The following SIAH3 variants were observed in gnomAD, a reference collection of about 807,000 sequenced individuals.
The protein encoded by SIAH3 is seven in absentia homolog 3.
SIAH3 carries 9 observed loss-of-function variants against 12.6 expected under a neutral mutation model. That is an observed-to-expected ratio of 0.72 (90% CI 0.43 to 1.25). SIAH3 has a LOEUF of 1.25. Among genes scored for constraint, SIAH3 ranks in the 50% most tolerant of loss-of-function variants. SIAH3 has a pLI of 0.00. For missense variants in SIAH3, 390 were observed against 365.4 expected (o/e 1.07, Z -0.55); for synonymous variants, 154 against 151.1 (o/e 1.02, Z -0.14).
At chr13:45,798,399 A>T (rs184932542) in intron 1 of SIAH3, among the ~76,000 whole-genome samples, 5 of 152,324 alleles carry the variant, frequency 3.3e-5, no homozygotes, top group African/African-American at 9.6e-5. Context: ...TGGGTATAAA[A>T]TGGTGAGCAG....
chr13:45,846,397 C>T (rs1371660869), intron 1 of SIAH3, among the ~76,000 whole-genome samples: 1 of 152,068 alleles, frequency 6.6e-6, no homozygotes, highest in Non-Finnish European at 1.5e-5. Context: ...ACCTAGAAGA[C>T]CTAACTTCTA....
At chr13:45,790,697 A>T (rs568464590) in intron 1 of SIAH3, among the ~76,000 whole-genome samples, 5 of 152,316 alleles carry the variant, frequency 3.3e-5, no homozygotes, top group African/African-American at 1.2e-4. Flanking sequence ...ACAGCTTCCA[A>T]TATGAAGATC....
intron 1 of SIAH3, among the ~76,000 whole-genome samples, chr13:45,819,132 G>A (rs1052797910): frequency 5.3e-5 from 8 of 152,162 alleles, no homozygotes; most frequent in African/African-American, 1.2e-4. Flanking sequence ...GACCATGCAC[G>A]ACACAGAGAA....
rs1332139154 is a variant in SIAH3 at position 45,780,125 on chromosome 13, C to T, written c.*3258G>A. 6.6e-6 allele frequency: 1 copy of T among 152,202 alleles called. No homozygotes were observed. Among genetic ancestry groups the T allele is most frequent in the African/African-American group, 2.4e-5 (1 of 41,434 alleles). The allele number at this position is 152,202 out of a possible 1,614,324, so 9.4% of individuals were successfully genotyped here. A position where few individuals can be genotyped will look rare whatever the true frequency, so the allele number is the denominator to read the frequency against. On this transcript the variant is annotated 3_prime_UTR_variant, in exon 2 of 2. Transcript: ENST00000400405. ...TTGGTGTGAATGAGGCAACCAGATCCCAGCGTTCTGTGCAGGGACTCCTGG... is the reference window on the plus strand; with the variant it reads ...TTGGTGTGAATGAGGCAACCAGATCTCAGCGTTCTGTGCAGGGACTCCTGG...
intron 1 of SIAH3, among the ~76,000 whole-genome samples, chr13:45,842,537 C>T (rs748363239): frequency 1.3e-5 from 2 of 152,012 alleles, no homozygotes; most frequent in Non-Finnish European, 2.9e-5. Flanking sequence ...TTTGGAGACA[C>T]GAGGTCTCAC....
At chr13:45,810,691 A>G (rs764821946) in intron 1 of SIAH3, among the ~76,000 whole-genome samples, 1 of 152,200 alleles carries the variant, frequency 6.6e-6, no homozygotes, top group Non-Finnish European at 1.5e-5. Context: ...ACTCCCAAGA[A>G]TGTTTAATTT....
At chr13:45,814,971 C>A (rs1421459526) in intron 1 of SIAH3, among the ~76,000 whole-genome samples, 3 of 152,172 alleles carry the variant, frequency 2.0e-5, no homozygotes, top group African/African-American at 7.2e-5. Context: ...GATCTGCCTG[C>A]CTTGGCCTCC....
intron 1 of SIAH3, among the ~76,000 whole-genome samples, chr13:45,826,226 TA>T (rs1950674144): frequency 6.6e-6 from 1 of 152,172 alleles, no homozygotes; most frequent in Non-Finnish European, 1.5e-5. Context: ...GGCTGGATTG[TA>T]AACCCTGTGA....
At chr13:45,809,838 C>G (rs1268900106) in intron 1 of SIAH3, among the ~76,000 whole-genome samples, 1 of 152,090 alleles carries the variant, frequency 6.6e-6, no homozygotes, top group Non-Finnish European at 1.5e-5. Context: ...ATAAATACTA[C>G]TTTTATAATT....
chr13:45,837,640 G>A (rs1950723430), intron 1 of SIAH3, among the ~76,000 whole-genome samples: 1 of 152,160 alleles, frequency 6.6e-6, no homozygotes, highest in Non-Finnish European at 1.5e-5. Flanking sequence ...AGGAATGCAT[G>A]CAGGCCAAAA....
At chr13:45,806,620 T>C (rs146957047) in intron 1 of SIAH3, among the ~76,000 whole-genome samples, 46 of 152,290 alleles carry the variant, frequency 3.0e-4, no homozygotes, top group Admixed American at 1.1e-3. Flanking sequence ...TTGCGTGCTA[T>C]GCTCACTACC....
At chr13:45,837,568 G>T (rs4591033) in intron 1 of SIAH3, among the ~76,000 whole-genome samples, 9 of 124,348 alleles carry the variant, frequency 7.2e-5, no homozygotes, top group African/African-American at 2.4e-4. Context: ...AGGGAAGGAA[G>T]GAATGAAGGA....
At chr13:45,838,887 T>A (rs1408351017) in intron 1 of SIAH3, among the ~76,000 whole-genome samples, 3 of 151,980 alleles carry the variant, frequency 2.0e-5, no homozygotes, top group African/African-American at 4.8e-5. Flanking sequence ...ATCATCCCGC[T>A]TTCCTTCCAG....
chr13:45,828,940 AT>A (rs56777756), intron 1 of SIAH3, among the ~76,000 whole-genome samples: 5,222 of 149,196 alleles, frequency 0.035, 273 homozygotes, highest in African/African-American at 0.12. Flanking sequence ...AATTAACTCT[AT>A]TTTTTTTTTT....
chr13:45,845,027 C>CA (rs1474037418), intron 1 of SIAH3, among the ~76,000 whole-genome samples: 4 of 152,122 alleles, frequency 2.6e-5, no homozygotes, highest in South Asian at 2.1e-4. Flanking sequence ...GTGAAAGATA[C>CA]AAAAAATCTC....
intron 1 of SIAH3, among the ~76,000 whole-genome samples, chr13:45,850,449 C>G (rs1220130470): frequency 6.6e-6 from 1 of 152,180 alleles, no homozygotes; most frequent in Non-Finnish European, 1.5e-5. Context: ...CGGCCCCTCC[C>G]CCGGCACTCA....
rs34118981 is a variant in SIAH3, at chr13:45,850,919, CCACACACACACA to C, written c.135+564_135+575del. 6.7e-3 allele frequency among the ~76,000 whole-genome samples: 862 copies of C among 128,316 alleles called. 3 individuals carry two copies. The highest frequency in any genetic ancestry group is 0.012 in the African/African-American group (399 of 33,850). 84.2% of individuals were successfully genotyped at this position (128,316 alleles called of 152,430 possible). ...GAAATAAGCCAAAATCCTCCCGACA[CCACACACACACA>C]CACACACACACACACACACACACAC... On this transcript the variant is annotated intron_variant, in intron 1 of 1. Transcript: ENST00000400405.
chr13:45,805,217 GA>G (rs1229637771), intron 1 of SIAH3, among the ~76,000 whole-genome samples: 1 of 151,856 alleles, frequency 6.6e-6, no homozygotes, highest in East Asian at 1.9e-4. Flanking sequence ...CACAGAATTA[GA>G]AAAAAACTAT....
At chr13:45,801,170 T>C (rs1240746785) in intron 1 of SIAH3, among the ~76,000 whole-genome samples, 2 of 151,896 alleles carry the variant, frequency 1.3e-5, no homozygotes, top group Admixed American at 6.6e-5. Flanking sequence ...TGTGAAGCCA[T>C]ATGCTTTTGC....
Sources: allele counts gnomAD v4.1 joint callset (sites outside exome capture counted in the v4.1 genomes callset), GRCh38; gene constraint gnomAD v4.1.1; transcripts MANE v1.5; gene names NCBI Gene and HGNC (gene_info 2026-07-23, HGNC 2026-07-21).